Variants in STK33 observed in about 807,000 individuals in gnomAD.
STK33 encodes the protein serine/threonine kinase 33.
In STK33, 52 loss-of-function variants were observed where a neutral mutation model predicts 58.0. That is an observed-to-expected ratio of 0.90 (90% confidence interval 0.72 to 1.13). The LOEUF (loss-of-function observed/expected upper bound fraction) is 1.13, where lower values mean the gene tolerates loss of function less well. Ranked by LOEUF, STK33 falls within the 50% of genes most tolerant of loss-of-function variation. The pLI, the probability that STK33 is intolerant of heterozygous loss-of-function variation, is 0.00. For synonymous variants in STK33, 215 were observed against 200.1 expected, an observed-to-expected ratio of 1.07 and a Z score of -0.63; for missense variants, 630 against 604.2, an observed-to-expected ratio of 1.04 and a Z score of -0.45.
intron 15 of STK33, among the ~76,000 whole-genome samples, chr11:8,401,018 A>G (rs1937798923): frequency 6.6e-6 from 1 of 152,208 alleles, no homozygotes; most frequent in East Asian, 1.9e-4. Context: ...AGGAAGAATC[A>G]ATATCGTGAA....
chr11:8,503,024 G>A (rs939012193), intron 1 of STK33, among the ~76,000 whole-genome samples: 5 of 152,164 alleles, frequency 3.3e-5, no homozygotes, highest in Non-Finnish European at 7.3e-5. Flanking sequence ...ATACACTGCT[G>A]GTGGAAATGT....
At position 8,435,551 on chromosome 11, in the gene STK33, T is replaced by C. The variant is rs775553449; in HGVS notation, c.1089A>G (p.Lys363=). 6.6e-7 allele frequency: 1 copy of C among 1,509,366 alleles called. No individual in the cohort carries two copies. Among genetic ancestry groups the C allele is most frequent in the South Asian group, 1.4e-5 (1 of 69,680 alleles). The allele number at this position is 1,509,366 out of a possible 1,614,324, so 93.5% of individuals were successfully genotyped here. A position where few individuals can be genotyped will look rare whatever the true frequency, so the allele number is the denominator to read the frequency against. Residue 363 remains lysine (K), a synonymous_variant, in exon 14 of 16, where the codon AAA becomes AAG. Coordinates refer to ENST00000687296, the MANE Select transcript of STK33 (RefSeq NM_001352389.2). The part of the protein sequence containing the change: ...CAKSVLKQLM[K]VDPAHRITAK... Reference sequence around the variant, plus strand: ...CTGTGATTCTGTGAGCAGGATCTACTTTCATAAGTTGTTTCAAAACACTTT... The same window carrying C: ...CTGTGATTCTGTGAGCAGGATCTACCTTCATAAGTTGTTTCAAAACACTTT...
intron 1 of STK33, among the ~76,000 whole-genome samples, chr11:8,482,732 A>G (rs1242686926): frequency 1.3e-5 from 2 of 151,512 alleles, no homozygotes; most frequent in Admixed American, 1.3e-4. Context: ...TTATTTATTT[A>G]TTTATTTATT....
At chr11:8,538,314 C>T (rs1287966367) in intron 1 of STK33, among the ~76,000 whole-genome samples, 2 of 152,136 alleles carry the variant, frequency 1.3e-5, no homozygotes, top group Non-Finnish European at 2.9e-5. Flanking sequence ...GTAGGCACTA[C>T]AATTATCTGA....
intron 1 of STK33, among the ~76,000 whole-genome samples, chr11:8,578,477 T>C (rs1958339118): frequency 6.6e-6 from 1 of 151,980 alleles, no homozygotes; most frequent in Non-Finnish European, 1.5e-5. Context: ...TAAGATATTT[T>C]TAGGCAAAAA....
intron 1 of STK33, among the ~76,000 whole-genome samples, chr11:8,488,730 C>A (rs973929809): frequency 1.3e-5 from 2 of 152,020 alleles, no homozygotes; most frequent in Non-Finnish European, 2.9e-5. Context: ...CAACAAAACA[C>A]CCTGGGGAGG....
intron 1 of STK33, among the ~76,000 whole-genome samples, chr11:8,536,972 A>AAT (rs1565305538): frequency 1.1e-4 from 7 of 65,730 alleles, no homozygotes; most frequent in African/African-American, 1.4e-4. Context: ...AAAAAAAAAG[A>AAT]TTTTTTTTTT....
At chr11:8,362,163 G>C in the STK33 span, among the ~76,000 whole-genome samples, 1 of 152,284 alleles carries the variant, frequency 6.6e-6, no homozygotes, top group East Asian at 1.9e-4. Flanking sequence ...GCGACTGAGG[G>C]GCTTTGAGAA....
chr11:8,469,045 G>C lies in STK33; in HGVS notation c.339+4118C>G, dbSNP rs532232022. Among the ~76,000 whole-genome samples, 3 of 152,314 alleles carry C rather than the reference G, an allele frequency of 2.0e-5. No homozygotes were observed. The East Asian group carries it at 5.8e-4, about 29-fold the overall frequency. On this transcript the variant is annotated intron_variant, in intron 6 of 15. Transcript: ENST00000687296. ...TCCTGCCTCCATGTAGATGACTGATGACTGATTAGGGTAGTGGTGGTTGAA... is the reference window on the plus strand; with the variant it reads ...TCCTGCCTCCATGTAGATGACTGATCACTGATTAGGGTAGTGGTGGTTGAA...
At chr11:8,470,594 A>G (rs1185726065) in intron 6 of STK33, among the ~76,000 whole-genome samples, 2 of 152,210 alleles carry the variant, frequency 1.3e-5, no homozygotes, top group Non-Finnish European at 2.9e-5. Flanking sequence ...CTTGGCTTTC[A>G]ACATGCGCTC....
chr11:8,426,421 G>A (rs1180111848), intron 14 of STK33, among the ~76,000 whole-genome samples: 1 of 152,154 alleles, frequency 6.6e-6, no homozygotes, highest in Non-Finnish European at 1.5e-5. Context: ...GGCAGGGGTG[G>A]TCTTGGAAAA....
rs543400329 is a variant in STK33, at chr11:8,506,172, C to G, written c.-465-25558G>C. On this transcript the variant is annotated intron_variant, in intron 1 of 15. Coordinates refer to ENST00000687296, the MANE Select transcript of STK33 (RefSeq NM_001352389.2). The stretch of plus-strand genomic sequence containing the variant: ...CTCTTGTCCTAAAATTCTTCCAACT[C>G]AACATAATAATCTAATCTTTTTTCC... Among the ~76,000 whole-genome samples the G allele has an allele frequency of 2.0e-5, 3 of 152,256 alleles. No homozygotes were observed. In the South Asian group the frequency reaches 6.2e-4, roughly 32 times the overall value.
chr11:8,354,160 C>A, the STK33 span, among the ~76,000 whole-genome samples: 1 of 152,068 alleles, frequency 6.6e-6, no homozygotes, highest in Non-Finnish European at 1.5e-5. Flanking sequence ...CCCACCGTGT[C>A]TCCTCCTCTC....
chr11:8,480,623 GA>G lies in STK33; in HGVS notation c.-465-10del, dbSNP rs1337146909. ...AGAAGTAGTGGCCCTGCCTAGAAAAGAAAAAGATAAAAAATAGAAGAAAAAA... is the reference window on the plus strand; with the variant it reads ...AGAAGTAGTGGCCCTGCCTAGAAAAGAAAAGATAAAAAATAGAAGAAAAAA... On this transcript the variant is annotated splice_polypyrimidine_tract_variant and intron_variant, in intron 1 of 15. Transcript: ENST00000687296. 2.6e-5 allele frequency: 4 copies of G among 152,012 alleles called. No individual in the cohort carries two copies. Among genetic ancestry groups the G allele is most frequent in the Non-Finnish European group, 4.4e-5 (3 of 68,030 alleles). The allele number at this position is 152,012 out of a possible 1,614,324, so 9.4% of individuals were successfully genotyped here. A position where few individuals can be genotyped will look rare whatever the true frequency, so the allele number is the denominator to read the frequency against.
chr11:8,432,810 G>A (rs1274692965), intron 14 of STK33, among the ~76,000 whole-genome samples: 1 of 152,162 alleles, frequency 6.6e-6, no homozygotes, highest in Non-Finnish European at 1.5e-5. Flanking sequence ...TTTGTAAAAT[G>A]CCAGTATTCT....
chr11:8,382,999 G>T, the STK33 span, among the ~76,000 whole-genome samples: 33 of 152,300 alleles, frequency 2.2e-4, no homozygotes, highest in African/African-American at 7.5e-4. Context: ...ATGCTTCAGG[G>T]ACACATTGTC....
intron 15 of STK33, among the ~76,000 whole-genome samples, chr11:8,405,313 T>C (rs868561837): frequency 1.1e-4 from 16 of 152,338 alleles, no homozygotes; most frequent in African/African-American, 3.4e-4. Flanking sequence ...GTGGACTTAA[T>C]TTCCATTTTC....
the STK33 span, among the ~76,000 whole-genome samples, chr11:8,385,629 G>A: frequency 6.6e-6 from 1 of 152,158 alleles, no homozygotes; most frequent in Admixed American, 6.5e-5. Flanking sequence ...ATCTGTCTCT[G>A]TGCCCCCATG....
At chr11:8,360,466 T>A in the STK33 span, among the ~76,000 whole-genome samples, 5 of 152,272 alleles carry the variant, frequency 3.3e-5, no homozygotes, top group East Asian at 9.6e-4. Flanking sequence ...CATATATTAG[T>A]CTTTTATTGC....
Sources: gnomAD v4.1 joint callset for allele counts (sites outside exome capture counted in the v4.1 genomes callset) on GRCh38, gnomAD v4.1.1 for gene constraint, MANE v1.5 for transcripts, NCBI Gene and HGNC (gene_info 2026-07-23, HGNC 2026-07-21) for gene names.